Variants in KCNN2 observed in about 807,000 individuals in gnomAD.
KCNN2 encodes the protein potassium calcium-activated channel subfamily N member 2.
Under a neutral mutation model 55.5 loss-of-function variants are expected in KCNN2, and 24 were observed. The ratio of observed to expected loss-of-function variants is 0.43; its 90% CI spans 0.31 to 0.61. The LOEUF (loss-of-function observed/expected upper bound fraction) is 0.61. KCNN2 is among the 20% of genes least tolerant of loss of function. The probability of loss-of-function intolerance (pLI) is 0.08; values close to 1 mark genes in which losing one functional copy is unlikely to be tolerated. For synonymous variants in KCNN2, 431 were observed against 336.1 expected (o/e 1.28, Z -3.09); for missense variants, 754 against 853.6 (o/e 0.88, Z 1.45).
intron 1 of KCNN2, among the ~76,000 whole-genome samples, chr5:114,192,974 C>G (rs1753481043): frequency 6.6e-6 from 1 of 151,814 alleles, no homozygotes; most frequent in Non-Finnish European, 1.5e-5. Flanking sequence ...CTAACTGTGC[C>G]CATTGGATTA....
intron 4 of KCNN2, among the ~76,000 whole-genome samples, chr5:114,468,351 T>C (rs1761552868): frequency 1.3e-5 from 2 of 152,200 alleles, no homozygotes; most frequent in African/African-American, 2.4e-5. Flanking sequence ...AAAAATGTTT[T>C]TATGGTTCTG....
At chr5:114,170,342 A>T (rs1753007488) in intron 1 of KCNN2, among the ~76,000 whole-genome samples, 2 of 152,244 alleles carry the variant, frequency 1.3e-5, no homozygotes, top group Non-Finnish European at 2.9e-5. Context: ...TGCATAAATA[A>T]GATCCTATAT....
chr5:114,412,875 T>C (rs1377611065), intron 3 of KCNN2, among the ~76,000 whole-genome samples: 1 of 152,232 alleles, frequency 6.6e-6, no homozygotes, highest in African/African-American at 2.4e-5. Context: ...TACAGAATAC[T>C]GGATAGTTAT....
At chr5:114,453,775 A>G (rs960197678) in intron 3 of KCNN2, among the ~76,000 whole-genome samples, 1 of 151,948 alleles carries the variant, frequency 6.6e-6, no homozygotes, top group African/African-American at 2.4e-5. Flanking sequence ...TTGGTGTTGT[A>G]TAGTTGTATT....
chr5:114,093,366 C>G (rs180739540), intron 1 of KCNN2, among the ~76,000 whole-genome samples: 1 of 152,298 alleles, frequency 6.6e-6, no homozygotes, highest in African/African-American at 2.4e-5. Flanking sequence ...TAGGAAGCTC[C>G]AAACTTTCCC....
chr5:114,368,094 G>A (rs184509056), intron 2 of KCNN2, among the ~76,000 whole-genome samples: 52 of 152,084 alleles, frequency 3.4e-4, no homozygotes, highest in Non-Finnish European at 5.4e-4. Flanking sequence ...CATATCCATG[G>A]GTTCTGCATC....
rs1748097005 is a variant in KCNN2 at position 114,495,980 on chromosome 5, A to G, written c.2174A>G (p.Lys725Arg). 6.2e-7 allele frequency: 1 copy of G among 1,613,954 alleles called. No homozygotes were observed. Among genetic ancestry groups the G allele is most frequent in the Admixed American group, 1.7e-5 (1 of 60,004 alleles). ...FEKRIVTLET[K>R]LETLIGSIHA... ...AAGAGGATTGTTACCCTGGAAACAA[A>G]ACTAGAGACTTTGATTGGTAGCATC... Residue 725 changes from lysine (K) to arginine (R), a missense_variant, in exon 8 of 8, where the codon AAA (lysine) becomes AGA (arginine). Physicochemically the swap from Lys to Arg is conservative, Grantham distance 26. Transcript: ENST00000673685.
intron 2 of KCNN2, among the ~76,000 whole-genome samples, chr5:114,337,798 G>C (rs558676682): frequency 6.6e-6 from 1 of 152,076 alleles, no homozygotes; most frequent in African/African-American, 2.4e-5. Context: ...GCATGAACTC[G>C]TAACTTCGGT....
At chr5:114,307,308 C>A (rs55742919) in intron 2 of KCNN2, among the ~76,000 whole-genome samples, 28,228 of 152,100 alleles carry the variant, frequency 0.19, 2,913 homozygotes, top group African/African-American at 0.21. Context: ...CTGACATTAT[C>A]ATTCTGCTCA....
intron 1 of KCNN2, among the ~76,000 whole-genome samples, chr5:114,207,864 C>G (rs1439072299): frequency 6.6e-6 from 1 of 152,164 alleles, no homozygotes; most frequent in Non-Finnish European, 1.5e-5. Context: ...GTTGTCTTAT[C>G]ACAGAGAATT....
At chr5:114,264,230 T>C (rs912163639) in intron 2 of KCNN2, among the ~76,000 whole-genome samples, 1 of 152,050 alleles carries the variant, frequency 6.6e-6, no homozygotes, top group Non-Finnish European at 1.5e-5. Flanking sequence ...TCTTCATACA[T>C]GAGATGTGAT....
At chr5:114,180,369 A>G (rs1753216184) in intron 1 of KCNN2, among the ~76,000 whole-genome samples, 2 of 152,162 alleles carry the variant, frequency 1.3e-5, no homozygotes, top group African/African-American at 4.8e-5. Flanking sequence ...TACATTTCAG[A>G]CAATATTTAT....
chr5:114,409,500 T>A (rs1759056221), intron 3 of KCNN2, among the ~76,000 whole-genome samples: 1 of 152,178 alleles, frequency 6.6e-6, no homozygotes, highest in South Asian at 2.1e-4. Context: ...AGGATTTGGA[T>A]TTGAATGAAT....
intron 1 of KCNN2, among the ~76,000 whole-genome samples, chr5:114,143,074 G>T (rs1752321356): frequency 1.3e-5 from 2 of 152,164 alleles, no homozygotes; most frequent in Admixed American, 6.6e-5. Context: ...GTCCAGGGGG[G>T]TCACCGCCTT....
chr5:114,225,106 A>G (rs916968565), intron 2 of KCNN2, among the ~76,000 whole-genome samples: 5 of 152,236 alleles, frequency 3.3e-5, no homozygotes, highest in Admixed American at 1.3e-4. Flanking sequence ...AAAGTATTTT[A>G]AAAGCTTTAA....
intron 1 of KCNN2, among the ~76,000 whole-genome samples, chr5:114,089,107 G>A (rs1751083136): frequency 6.6e-6 from 1 of 151,286 alleles, no homozygotes; most frequent in Non-Finnish European, 1.5e-5. Flanking sequence ...TATCAGTGTA[G>A]TTTTCAGCTT....
At chr5:114,094,734 T>C (rs1332524277) in intron 1 of KCNN2, among the ~76,000 whole-genome samples, 1 of 152,156 alleles carries the variant, frequency 6.6e-6, no homozygotes, top group Admixed American at 6.5e-5. Context: ...TTGACAATTA[T>C]AAGATTGAAA....
chr5:114,448,328 G>C lies in KCNN2; in HGVS notation c.1638-14721G>C, dbSNP rs192295945. ...GTGTTCTGAAGCCTTTATGGAGTAGGGGACTGGTGGGTCTTAGCGGTGATG... is the reference window on the plus strand; with the variant it reads ...GTGTTCTGAAGCCTTTATGGAGTAGCGGACTGGTGGGTCTTAGCGGTGATG... On this transcript the variant is annotated intron_variant, in intron 3 of 7. Coordinates refer to ENST00000673685, the MANE Select transcript of KCNN2 (RefSeq NM_021614.4). 4.0e-4 allele frequency among the ~76,000 whole-genome samples: 61 copies of C among 152,228 alleles called. 1 individual carries two copies. Among genetic ancestry groups the C allele is most frequent in the South Asian group, 3.9e-3 (19 of 4,822 alleles).
intron 3 of KCNN2, among the ~76,000 whole-genome samples, chr5:114,440,270 C>G (rs1760159061): frequency 6.6e-6 from 1 of 152,146 alleles, no homozygotes; most frequent in African/African-American, 2.4e-5. Flanking sequence ...AATATACTGC[C>G]TATTTCTAAA....
Sources: allele counts gnomAD v4.1 joint callset (sites outside exome capture counted in the v4.1 genomes callset), GRCh38; gene constraint gnomAD v4.1.1; transcripts MANE v1.5; gene names NCBI Gene and HGNC (gene_info 2026-07-23, HGNC 2026-07-21).